TNR: variants seen among roughly 807,000 people sequenced by gnomAD.
TNR encodes tenascin-R.
TNR carries 45 observed loss-of-function variants against 150.4 expected under a neutral mutation model. The ratio of observed to expected loss-of-function variants is 0.30; its 90% CI spans 0.24 to 0.38. The LOEUF (loss-of-function observed/expected upper bound fraction) is 0.38. TNR is among the 10% of genes least tolerant of loss of function. TNR has a pLI of 1.00. For missense variants in TNR, 1,544 were observed against 1,759.1 expected (o/e 0.88, Z 2.19); for synonymous variants, 687 against 678.4 (o/e 1.01, Z -0.20).
intron 2 of TNR, among the ~76,000 whole-genome samples, chr1:175,523,645 T>C (rs1659729756): frequency 6.6e-6 from 1 of 152,178 alleles, no homozygotes; most frequent in Non-Finnish European, 1.5e-5. Flanking sequence ...CTCTTCTCCA[T>C]CCTTAGCACA....
intron 1 of TNR, among the ~76,000 whole-genome samples, chr1:175,678,927 T>C (rs1665947941): frequency 6.6e-6 from 1 of 152,152 alleles, no homozygotes; most frequent in Non-Finnish European, 1.5e-5. Flanking sequence ...GGTGACTGGC[T>C]ATGCTCCCTG....
chr1:175,692,663 C>T (rs549767669), intron 1 of TNR, among the ~76,000 whole-genome samples: 1 of 152,238 alleles, frequency 6.6e-6, no homozygotes, highest in East Asian at 1.9e-4. Flanking sequence ...GGAGTTACTG[C>T]CCTGAATGGG....
At chr1:175,609,516 T>C (rs1197484364) in intron 1 of TNR, among the ~76,000 whole-genome samples, 2 of 152,190 alleles carry the variant, frequency 1.3e-5, no homozygotes, top group African/African-American at 4.8e-5. Context: ...TTTTATAAAA[T>C]GGTAGCTGGA....
chr1:175,363,092 T>A (rs1328944538), intron 13 of TNR, among the ~76,000 whole-genome samples: 2 of 152,230 alleles, frequency 1.3e-5, no homozygotes, highest in Non-Finnish European at 2.9e-5. Context: ...ATTAAGGCAG[T>A]GTAGAGGGCA....
Position 175,396,526 on chromosome 1 carries a change from C to T in TNR, c.1240+18G>A, listed in dbSNP as rs749733716. 103 of 1,605,526 alleles carry T rather than the reference C, an allele frequency of 6.4e-5. No homozygotes were observed. Among genetic ancestry groups the T allele is most frequent in the Admixed American group, 1.2e-4 (7 of 59,714 alleles). On this transcript the variant is annotated intron_variant, in intron 5 of 22. Transcript: ENST00000367674. ...AGGAGAAAAGAAAAATGAAGCAGGA[C>T]GGGGAAATGGTACGTACGGGTGGCC...
At chr1:175,519,558 C>T (rs1348164978) in intron 2 of TNR, among the ~76,000 whole-genome samples, 2 of 152,224 alleles carry the variant, frequency 1.3e-5, no homozygotes, top group African/African-American at 4.8e-5. Flanking sequence ...CAAGCTCTTC[C>T]TCTTCATGGA....
chr1:175,492,906 T>C (rs1007265019), intron 2 of TNR, among the ~76,000 whole-genome samples: 1 of 152,150 alleles, frequency 6.6e-6, no homozygotes, highest in African/African-American at 2.4e-5. Flanking sequence ...CAGAGGCACA[T>C]TTAATCCTGA....
At chr1:175,554,694 AT>A (rs1173505245) in intron 1 of TNR, among the ~76,000 whole-genome samples, 1 of 152,074 alleles carries the variant, frequency 6.6e-6, no homozygotes, top group African/African-American at 2.4e-5. Context: ...CAGCTCCATG[AT>A]TTCTCCAGCC....
chr1:175,512,000 C>T (rs1302384119), intron 2 of TNR, among the ~76,000 whole-genome samples: 1 of 152,204 alleles, frequency 6.6e-6, no homozygotes, highest in Non-Finnish European at 1.5e-5. Flanking sequence ...ATAGGTGCTA[C>T]AGCTATAGGA....
intron 1 of TNR, among the ~76,000 whole-genome samples, chr1:175,598,705 G>A (rs1001787303): frequency 1.3e-5 from 2 of 152,216 alleles, no homozygotes; most frequent in Admixed American, 6.5e-5. Context: ...TTAGTTTCTA[G>A]AAGGACAGAA....
chr1:175,546,604 C>T (rs1387503854), intron 1 of TNR, among the ~76,000 whole-genome samples: 5 of 152,142 alleles, frequency 3.3e-5, no homozygotes, highest in African/African-American at 1.2e-4. Context: ...TAACCAAGTA[C>T]CCAAGAGTGG....
At chr1:175,506,438 A>G (rs1246404824) in intron 2 of TNR, among the ~76,000 whole-genome samples, 1 of 152,216 alleles carries the variant, frequency 6.6e-6, no homozygotes, top group Non-Finnish European at 1.5e-5. Context: ...GTACTTGAGA[A>G]TGTGGCTGTT....
intron 1 of TNR, among the ~76,000 whole-genome samples, chr1:175,568,765 T>C (rs1182043028): frequency 6.6e-6 from 1 of 152,194 alleles, no homozygotes; most frequent in Non-Finnish European, 1.5e-5. Flanking sequence ...ACCCTCCTCT[T>C]AGGGACTTGA....
Position 175,367,211 on chromosome 1 carries a change from T to C in TNR, c.2050A>G (p.Thr684Ala). ...CCTCAGCAGTCCTCCTACTCACCAG[T>C]CCTGGCATTCATGGTGGCTGGCACG... ...QSVPATMNAR[T>A]ELDSPRDLMV... The change falls in exon 10 of 23, where the codon ACT becomes GCT. Residue 684 changes from threonine to alanine, a missense_variant. Coordinates refer to ENST00000367674, the MANE Select transcript of TNR (RefSeq NM_003285.3). The C allele has an allele frequency of 4.3e-6, 7 of 1,614,062 alleles. No homozygotes were observed. Among genetic ancestry groups the C allele is most frequent in the Non-Finnish European group, 5.9e-6 (7 of 1,179,926 alleles).
intron 9 of TNR, among the ~76,000 whole-genome samples, chr1:175,378,256 A>G (rs1455206378): frequency 6.6e-6 from 1 of 152,182 alleles, no homozygotes; most frequent in Admixed American, 6.5e-5. Flanking sequence ...TCATTTTATC[A>G]GTGAATTCTT....
chr1:175,442,649 C>T (rs929509322), intron 2 of TNR, among the ~76,000 whole-genome samples: 5 of 151,852 alleles, frequency 3.3e-5, no homozygotes, highest in Non-Finnish European at 7.4e-5. Context: ...CCTGCATCTG[C>T]CCTGGCATGC....
intron 18 of TNR, among the ~76,000 whole-genome samples, chr1:175,342,436 G>A (rs1007700588): frequency 1.3e-5 from 2 of 152,242 alleles, no homozygotes; most frequent in African/African-American, 4.8e-5. Context: ...GACAGAGCAA[G>A]AATTGGGTGG....
At chr1:175,518,293 T>C (rs371728488) in intron 2 of TNR, among the ~76,000 whole-genome samples, 2 of 152,202 alleles carry the variant, frequency 1.3e-5, no homozygotes, top group South Asian at 4.1e-4. Flanking sequence ...CAAGAGCAGC[T>C]GCATTAAGCC....
At chr1:175,517,717 G>T (rs1659471124) in intron 2 of TNR, among the ~76,000 whole-genome samples, 2 of 152,218 alleles carry the variant, frequency 1.3e-5, no homozygotes, top group Admixed American at 1.3e-4. Flanking sequence ...CAGAGGCAGA[G>T]AACCTGTGTT....
Sources: gnomAD v4.1 joint callset for allele counts (sites outside exome capture counted in the v4.1 genomes callset) on GRCh38, gnomAD v4.1.1 for gene constraint, MANE v1.5 for transcripts, NCBI Gene and HGNC (gene_info 2026-07-23, HGNC 2026-07-21) for gene names.